Variants in KATNBL1 observed in about 807,000 individuals in gnomAD.
KATNBL1 encodes the protein KATNB1-like protein 1.
KATNBL1 carries 28 observed loss-of-function variants against 44.7 expected under a neutral mutation model. The ratio of observed to expected loss-of-function variants is 0.63; its 90% CI spans 0.46 to 0.86. The LOEUF is 0.86. KATNBL1 is among the 40% of genes least tolerant of loss of function. The probability of loss-of-function intolerance (pLI) is 0.00; values close to 1 mark genes in which losing one functional copy is unlikely to be tolerated. For missense variants in KATNBL1, 272 were observed against 350.7 expected, an observed-to-expected ratio of 0.78 and a Z score of 1.79; for synonymous variants, 78 against 114.9, an observed-to-expected ratio of 0.68 and a Z score of 2.06.
At chr15:34,153,155 T>C in intron 3 of KATNBL1, 86 bp from the exon 4 acceptor site, 2 of 860,196 alleles carry the variant, frequency 2.3e-6, no homozygotes, top group Non-Finnish European at 3.6e-6. Flanking sequence ...ATAGGCTATA[T>C]TTGGTGATTG....
intron 5 of KATNBL1, 36 bp from the exon 6 acceptor site, chr15:34,147,466 G>C: frequency 6.6e-7 from 1 of 1,513,148 alleles, no homozygotes; most frequent in Non-Finnish European, 9.1e-7. Flanking sequence ...GCCTTAGAGA[G>C]CTGATTTCCT....
At chr15:34,157,022 AT>A in intron 2 of KATNBL1, among the ~76,000 whole-genome samples, 1 of 152,340 alleles carries the variant, frequency 6.6e-6, no homozygotes, top group East Asian at 1.9e-4. Flanking sequence ...AAGCTAACTT[AT>A]CCCAGTTAAC....
chr15:34,184,485 CAAA>C (rs34736108), intron 1 of KATNBL1, among the ~76,000 whole-genome samples: 2 of 60,516 alleles, frequency 3.3e-5, no homozygotes, highest in Admixed American at 1.9e-4. Flanking sequence ...GATTCCATCT[CAAA>C]AAAAAAAAAA....
intron 9 of KATNBL1, chr15:34,145,168 A>G: frequency 7.5e-7 from 1 of 1,331,710 alleles, no homozygotes; most frequent in Non-Finnish European, 9.8e-7. Context: ...ATCCTCTAGC[A>G]TAGCATTTCA....
Position 34,142,165 on chromosome 15 carries a change from TGAAGCA to T in KATNBL1, c.*168_*173del. 1.9e-6 allele frequency: 1 copy of T among 524,744 alleles called. No homozygotes were observed. The highest frequency in any genetic ancestry group is 3.1e-6 in the Non-Finnish European group (1 of 320,054). 32.5% of individuals were successfully genotyped at this position (524,744 alleles called of 1,614,324 possible). A position where few individuals can be genotyped will look rare whatever the true frequency, so the allele number is the denominator to read the frequency against. ...TTTTGGATATTTTTCCACTTCAATG[TGAAGCA>T]GATTGCTGGGATTTCATTAGTGGTT... On this transcript the variant is annotated 3_prime_UTR_variant, in exon 10 of 10. Coordinates refer to ENST00000256544, the MANE Select transcript of KATNBL1 (RefSeq NM_024713.3).
chr15:34,205,875 C>T (rs972916028), intron 1 of KATNBL1, among the ~76,000 whole-genome samples: 2 of 152,170 alleles, frequency 1.3e-5, no homozygotes, highest in African/African-American at 2.4e-5. Flanking sequence ...AAATTCCATC[C>T]TAAGATTTCT....
intron 1 of KATNBL1, among the ~76,000 whole-genome samples, chr15:34,191,065 A>G (rs988875957): frequency 2.6e-5 from 4 of 151,784 alleles, no homozygotes; most frequent in Non-Finnish European, 5.9e-5. Flanking sequence ...AAAAAAAACA[A>G]AACTTAAAAT....
intron 1 of KATNBL1, chr15:34,199,982 T>C (rs577851523): frequency 6.6e-6 from 1 of 151,460 alleles, no homozygotes; most frequent in Non-Finnish European, 1.5e-5. Context: ...TGCTGATTGG[T>C]CCACTTTACA....
chr15:34,209,539 T>C (rs1463978658), intron 1 of KATNBL1: 4 of 152,076 alleles, frequency 2.6e-5, no homozygotes, highest in Non-Finnish European at 5.9e-5. Flanking sequence ...CGAGGACCCG[T>C]CGGAAAATAA....
At chr15:34,176,584 T>C (rs970748435) in intron 1 of KATNBL1, among the ~76,000 whole-genome samples, 2 of 152,014 alleles carry the variant, frequency 1.3e-5, no homozygotes, top group Admixed American at 1.3e-4. Flanking sequence ...AGGCACAAGG[T>C]TTCTTTTTGG....
chr15:34,188,449 G>A (rs1380565013), intron 1 of KATNBL1, among the ~76,000 whole-genome samples: 1 of 152,100 alleles, frequency 6.6e-6, no homozygotes, highest in Non-Finnish European at 1.5e-5. Context: ...CCAGCTACTT[G>A]GGAGGCTGAG....
intron 2 of KATNBL1, 145 bp downstream of exon 2, chr15:34,163,415 T>C: frequency 2.2e-6 from 2 of 900,006 alleles, no homozygotes; most frequent in Non-Finnish European, 1.6e-6. Flanking sequence ...AAGAAATACA[T>C]TGGTTATATT....
At chr15:34,185,603 G>A (rs1407379129) in intron 1 of KATNBL1, among the ~76,000 whole-genome samples, 2 of 152,160 alleles carry the variant, frequency 1.3e-5, no homozygotes, top group Non-Finnish European at 2.9e-5. Flanking sequence ...ACTGTTACCA[G>A]AACAGCAGGG....
chr15:34,142,744 G>T, intron 9 of KATNBL1: 1 of 254,130 alleles, frequency 3.9e-6, no homozygotes, highest in Non-Finnish European at 7.7e-6. Context: ...ACAGAGTCTT[G>T]CTCTGTCACC....
chr15:34,145,741 TTTAA>T (rs1888288867), intron 8 of KATNBL1: 1 of 187,174 alleles, frequency 5.3e-6, no homozygotes, highest in African/African-American at 2.3e-5. Context: ...ATGCCTCCTA[TTTAA>T]TTAATTCTTG....
chr15:34,169,065 A>G (rs1024255022), intron 1 of KATNBL1, among the ~76,000 whole-genome samples: 28 of 152,200 alleles, frequency 1.8e-4, no homozygotes, highest in Admixed American at 1.8e-3. Flanking sequence ...AAAAGGTAGC[A>G]GAAGGCAAGA....
At chr15:34,153,163 T>C (rs566523607) in intron 3 of KATNBL1, 94 bp from the exon 4 acceptor site, 20 of 740,850 alleles carry the variant, frequency 2.7e-5, no homozygotes, top group East Asian at 2.5e-4. Flanking sequence ...TATTTGGTGA[T>C]TGTAATCCAC....
intron 1 of KATNBL1, among the ~76,000 whole-genome samples, chr15:34,181,962 CAGAT>C (rs914914319): frequency 1.3e-5 from 2 of 148,982 alleles, no homozygotes; most frequent in East Asian, 2.0e-4. Flanking sequence ...TTAAAAATAA[CAGAT>C]AGACTTTATC....
intron 1 of KATNBL1, among the ~76,000 whole-genome samples, chr15:34,204,107 C>A (rs1006177918): frequency 1.3e-5 from 2 of 151,780 alleles, no homozygotes; most frequent in African/African-American, 4.8e-5. Context: ...CAACAACAGG[C>A]CAGAAAGTTA....
Sources: gnomAD v4.1 joint callset for allele counts (sites outside exome capture counted in the v4.1 genomes callset) on GRCh38, gnomAD v4.1.1 for gene constraint, MANE v1.5 for transcripts, NCBI Gene and HGNC (gene_info 2026-07-23, HGNC 2026-07-21) for gene names.